Variants in STAU1 observed in about 807,000 individuals in gnomAD.
The protein encoded by STAU1 is staufen double-stranded RNA binding protein 1.
In STAU1, 13 loss-of-function variants were observed where a neutral mutation model predicts 62.9. That is an observed-to-expected ratio of 0.21 (90% CI 0.13 to 0.33). The LOEUF is 0.33. STAU1 is among the 10% of genes least tolerant of loss of function. STAU1 has a pLI of 1.00. For missense variants in STAU1, 571 were observed against 712.1 expected, an observed-to-expected ratio of 0.80 and a Z score of 2.25; for synonymous variants, 269 against 265.1, an observed-to-expected ratio of 1.01 and a Z score of -0.14.
At chr20:49,155,371 C>T (rs931224386) in intron 3 of STAU1, among the ~76,000 whole-genome samples, 6 of 152,186 alleles carry the variant, frequency 3.9e-5, no homozygotes, top group African/African-American at 9.7e-5. Flanking sequence ...TCAGAAAATA[C>T]ATGCTATTCA....
intron 3 of STAU1, among the ~76,000 whole-genome samples, chr20:49,156,025 T>C (rs532181717): frequency 6.6e-6 from 1 of 152,288 alleles, no homozygotes; most frequent in South Asian, 2.1e-4. Context: ...ATTAGTATGC[T>C]CCCTGAATGG....
chr20:49,164,582 G>A (rs568138345), intron 3 of STAU1, among the ~76,000 whole-genome samples: 5 of 151,776 alleles, frequency 3.3e-5, no homozygotes, highest in South Asian at 2.1e-4. Flanking sequence ...GAACCACCAC[G>A]CCTGGCCATG....
At chr20:49,155,205 G>A (rs1040743294) in intron 3 of STAU1, among the ~76,000 whole-genome samples, 1 of 152,140 alleles carries the variant, frequency 6.6e-6, no homozygotes. Flanking sequence ...GTGAGGAGGT[G>A]GCAACCCAAT....
intron 1 of STAU1, among the ~76,000 whole-genome samples, chr20:49,185,690 C>A (rs556135043): frequency 6.6e-6 from 1 of 152,172 alleles, no homozygotes; most frequent in African/African-American, 2.4e-5. Flanking sequence ...TAATAATTGT[C>A]AAAGCTAAGT....
chr20:49,194,302 G>A, the STAU1 span, among the ~76,000 whole-genome samples: 1 of 151,668 alleles, frequency 6.6e-6, no homozygotes, highest in African/African-American at 2.4e-5. Context: ...GGTGGCGCAC[G>A]CCTGTAATCC....
intron 5 of STAU1, among the ~76,000 whole-genome samples, chr20:49,137,899 C>T (rs971974521): frequency 7.0e-6 from 1 of 143,612 alleles, no homozygotes; most frequent in African/African-American, 2.6e-5. Flanking sequence ...AGGCTATTCT[C>T]GAACTCCTGA....
Position 49,164,460 on chromosome 20 carries a change from A to ATT in STAU1, c.205+1535_205+1536dup, listed in dbSNP as rs34364571. Among the ~76,000 whole-genome samples, 191 of 145,796 alleles carry ATT rather than the reference A, an allele frequency of 1.3e-3. 3 individuals carry two copies. Among genetic ancestry groups the ATT allele is most frequent in the South Asian group, 3.7e-3 (17 of 4,566 alleles). ...GGACCACAGCTCAGCCAATTTTTGT[A>ATT]TTTTTTTTTTTGTATAGATGGGATT... On this transcript the variant is annotated intron_variant, in intron 3 of 13. Transcript: ENST00000371856.
intron 5 of STAU1, among the ~76,000 whole-genome samples, chr20:49,139,330 A>G (rs1011980268): frequency 6.6e-6 from 1 of 152,230 alleles, no homozygotes; most frequent in East Asian, 1.9e-4. Context: ...TTTATCTCAT[A>G]AGGGATTAAT....
At chr20:49,148,100 C>T (rs1304175130) in intron 5 of STAU1, among the ~76,000 whole-genome samples, 1 of 152,126 alleles carries the variant, frequency 6.6e-6, no homozygotes, top group Non-Finnish European at 1.5e-5. Context: ...CTACTGCCTG[C>T]TATCAGAGAG....
In STAU1 at chr20:49,121,379, G is replaced by T. The variant is rs2092462054; in HGVS notation, c.967-1251C>A. Among the ~76,000 whole-genome samples the T allele has an allele frequency of 2.0e-5, 3 of 152,252 alleles. No individual in the cohort carries two copies. The South Asian group carries it at 6.2e-4, about 32-fold the overall frequency. On this transcript the variant is annotated intron_variant, in intron 8 of 13. Transcript: ENST00000371856. ...GCCGAGATCACACCACTGCCCTGCA[G>T]CCTGGACAACAGAGCAAGTTGACTC...
intron 5 of STAU1, among the ~76,000 whole-genome samples, chr20:49,141,650 T>C (rs2093010326): frequency 6.6e-6 from 1 of 152,116 alleles, no homozygotes; most frequent in Non-Finnish European, 1.5e-5. Flanking sequence ...ATCCCAGCAC[T>C]CTGGAAGGCC....
chr20:49,161,188 G>T (rs374219318), intron 3 of STAU1, among the ~76,000 whole-genome samples: 1 of 151,874 alleles, frequency 6.6e-6, no homozygotes, highest in African/African-American at 2.4e-5. Context: ...CTAGCTGGGC[G>T]TGGTGGCATG....
intron 1 of STAU1, among the ~76,000 whole-genome samples, chr20:49,177,078 A>G (rs923566400): frequency 6.6e-6 from 1 of 151,768 alleles, no homozygotes; most frequent in Non-Finnish European, 1.5e-5. Context: ...TGCCCGGCTA[A>G]TTTTTTGTAT....
chr20:49,119,562 ACTGT>A (rs1180192521), intron 9 of STAU1, among the ~76,000 whole-genome samples: 2 of 152,126 alleles, frequency 1.3e-5, no homozygotes, highest in Non-Finnish European at 2.9e-5. Context: ...CTACTGTCAC[ACTGT>A]CTTATTTTGC....
At chr20:49,158,044 G>A (rs941820421) in intron 3 of STAU1, among the ~76,000 whole-genome samples, 4 of 151,986 alleles carry the variant, frequency 2.6e-5, no homozygotes, top group African/African-American at 9.7e-5. Flanking sequence ...CACTTTGGGA[G>A]GCAGAGGCGG....
the STAU1 span, among the ~76,000 whole-genome samples, chr20:49,212,488 C>A: frequency 6.6e-6 from 1 of 151,972 alleles, no homozygotes; most frequent in African/African-American, 2.4e-5. Flanking sequence ...TGGTTACCAT[C>A]TTTTAGATAA....
chr20:49,115,333 C>T (rs993751019), intron 13 of STAU1, among the ~76,000 whole-genome samples: 8 of 151,990 alleles, frequency 5.3e-5, no homozygotes, highest in African/African-American at 1.9e-4. Flanking sequence ...CGGAGTCTTG[C>T]TCTGTCGCCC....
chr20:49,162,053 G>A (rs1185651175), intron 3 of STAU1, among the ~76,000 whole-genome samples: 1 of 152,222 alleles, frequency 6.6e-6, no homozygotes, highest in Non-Finnish European at 1.5e-5. Context: ...GCTGTACCCC[G>A]CCCATTATTT....
intron 13 of STAU1, 151 bp downstream of exon 13, chr20:49,115,631 G>A (rs938616247): frequency 3.7e-5 from 26 of 698,232 alleles, no homozygotes; most frequent in African/African-American, 3.4e-4. Flanking sequence ...AGAGCTTTCT[G>A]CCCAGAGAAT....
Sources: gnomAD v4.1 joint callset for allele counts (sites outside exome capture counted in the v4.1 genomes callset) on GRCh38, gnomAD v4.1.1 for gene constraint, MANE v1.5 for transcripts, NCBI Gene and HGNC (gene_info 2026-07-23, HGNC 2026-07-21) for gene names.